LGR4: variants seen among roughly 807,000 people sequenced by gnomAD.
The protein encoded by LGR4 is leucine rich repeat containing G protein-coupled receptor 4.
LGR4 carries 44 observed loss-of-function variants against 84.8 expected under a neutral mutation model. The observed-to-expected ratio is 0.52, with a 90% confidence interval of 0.41 to 0.67. The LOEUF is 0.67. Ranked by LOEUF, LGR4 falls within the 30% of genes least tolerant of loss-of-function variation. LGR4 has a pLI of 0.00. For missense variants in LGR4, 1,032 were observed against 1,131.4 expected, an observed-to-expected ratio of 0.91 and a Z score of 1.26; for synonymous variants, 429 against 434.3, an observed-to-expected ratio of 0.99 and a Z score of 0.15.
chr11:27,469,974 A>C (rs1290660521), intron 1 of LGR4, among the ~76,000 whole-genome samples: 1 of 152,190 alleles, frequency 6.6e-6, no homozygotes, highest in Non-Finnish European at 1.5e-5. Context: ...GTAAAATGCA[A>C]ATATGCTGTC....
chr11:27,428,712 A>C (rs1864066611), intron 1 of LGR4, among the ~76,000 whole-genome samples: 1 of 151,882 alleles, frequency 6.6e-6, no homozygotes. Context: ...TACTGATTAG[A>C]GGTTGGAAAA....
Position 27,467,480 on chromosome 11 carries a change from T to C in LGR4, c.185+4638A>G, listed in dbSNP as rs564462313. On this transcript the variant is annotated intron_variant, in intron 1 of 17. Coordinates refer to ENST00000379214, the MANE Select transcript of LGR4 (RefSeq NM_018490.5). ...CCACTCGGGAGGCTGAGACAGAGAA[T>C]TGCTTGAACCTGGGAGGTGGAGGTT... Among the ~76,000 whole-genome samples the C allele has an allele frequency of 7.3e-5, 11 of 151,704 alleles. No homozygotes were observed. The East Asian group carries it at 2.2e-3, about 30-fold the overall frequency.
chr11:27,376,808 C>A (rs1341755333), intron 12 of LGR4, among the ~76,000 whole-genome samples: 1 of 152,200 alleles, frequency 6.6e-6, no homozygotes, highest in Non-Finnish European at 1.5e-5. Context: ...CCCTTCCCAT[C>A]TCCCAACCAG....
chr11:27,454,821 TATCTC>T (rs886542396), intron 1 of LGR4, among the ~76,000 whole-genome samples: 1 of 151,386 alleles, frequency 6.6e-6, no homozygotes, highest in Non-Finnish European at 1.5e-5. Flanking sequence ...CTCCACAAAT[TATCTC>T]CTACAATTTC....
At chr11:27,414,742 G>A (rs1372663931) in intron 1 of LGR4, among the ~76,000 whole-genome samples, 1 of 148,374 alleles carries the variant, frequency 6.7e-6, no homozygotes, top group Non-Finnish European at 1.5e-5. Flanking sequence ...CTGGAGAAAT[G>A]GCACCAAAAC....
chr11:27,457,028 T>TA (rs1864586843), intron 1 of LGR4, among the ~76,000 whole-genome samples: 1 of 152,110 alleles, frequency 6.6e-6, no homozygotes, highest in Non-Finnish European at 1.5e-5. Flanking sequence ...AATTGTCAAA[T>TA]ATCTAAGCAA....
intron 9 of LGR4, 117 bp downstream of exon 9, chr11:27,380,523 C>G: frequency 1.2e-6 from 1 of 818,456 alleles, no homozygotes. Context: ...TAAATTCTGC[C>G]CAAGGGAGAA....
In LGR4 at chr11:27,378,741, G is replaced by A. The variant is rs774771898; in HGVS notation, c.999C>T (p.Ser333=). Residue 333 remains serine, a synonymous_variant, in exon 11 of 18, where the codon AGC becomes AGT. Coordinates refer to ENST00000379214, the MANE Select transcript of LGR4 (RefSeq NM_018490.5). ...GTTCTTGACACAAATTATTAGGTAT[G>A]CTGCTTATCTTTGTACCTGTCAAAG... ...SLTLTGTKIS[S]IPNNLCQEQK... 2 of 1,612,042 alleles carry A rather than the reference G, an allele frequency of 1.2e-6. No homozygotes were observed. The highest frequency in any genetic ancestry group is 1.7e-6 in the Non-Finnish European group (2 of 1,178,778).
chr11:27,419,685 A>C (rs1863890015), intron 1 of LGR4, among the ~76,000 whole-genome samples: 1 of 150,000 alleles, frequency 6.7e-6, no homozygotes, highest in Non-Finnish European at 1.5e-5. Context: ...CAAACTGGAA[A>C]CAACCTAAAT....
chr11:27,429,496 G>C (rs1235298924), intron 1 of LGR4, among the ~76,000 whole-genome samples: 1 of 151,346 alleles, frequency 6.6e-6, no homozygotes, highest in Non-Finnish European at 1.5e-5. Flanking sequence ...AAAAAAAAAG[G>C]GAATAGAAAC....
intron 1 of LGR4, among the ~76,000 whole-genome samples, chr11:27,418,228 T>C (rs1009961436): frequency 6.6e-6 from 1 of 152,234 alleles, no homozygotes; most frequent in Non-Finnish European, 1.5e-5. Context: ...TAAATTTAAC[T>C]GTTTTCAAAT....
chr11:27,455,382 TAAA>T (rs973751450), intron 1 of LGR4, among the ~76,000 whole-genome samples: 6 of 151,542 alleles, frequency 4.0e-5, no homozygotes, highest in Admixed American at 2.6e-4. Flanking sequence ...AGGAAAAGTC[TAAA>T]AAAAAACAAC....
chr11:27,376,423 C>A, intron 12 of LGR4, 53 bp from the exon 13 acceptor site: 3 of 925,776 alleles, frequency 3.2e-6, no homozygotes, highest in Non-Finnish European at 5.0e-6. Flanking sequence ...AAGAAGAGAA[C>A]AGGAGGAGGA....
In LGR4 at chr11:27,443,516, G is replaced by A. The variant is rs1459286607; in HGVS notation, c.185+28602C>T. Among the ~76,000 whole-genome samples the A allele has an allele frequency of 2.6e-5, 4 of 152,146 alleles. No individual in the cohort carries two copies. The South Asian group carries it at 6.2e-4, about 24-fold the overall frequency. On this transcript the variant is annotated intron_variant, in intron 1 of 17. Coordinates refer to ENST00000379214, the MANE Select transcript of LGR4 (RefSeq NM_018490.5). ...GGGGATTTTACTAAAATGAAAATGG[G>A]GAAAGGCTGAAGCAGCTTACAAATG...
In LGR4 at chr11:27,368,221, A is replaced by G. The variant is rs1862805523; in HGVS notation, c.2502T>C (p.Gly834=). Residue 834 remains glycine, a synonymous_variant, in exon 18 of 18, where the codon GGT becomes GGC. Transcript: ENST00000379214. ...AGTAGAAATCCTGTTCCAGACAACC[A>G]CCTTGGCTACTGATGGAAACTGAAA... The part of the protein sequence containing the change: ...GSVSVSISSQ[G]GCLEQDFYYD... The G allele has an allele frequency of 6.2e-7, 1 of 1,614,096 alleles. No individual in the cohort carries two copies. Among genetic ancestry groups the G allele is most frequent in the Non-Finnish European group, 8.5e-7 (1 of 1,180,040 alleles).
intron 1 of LGR4, among the ~76,000 whole-genome samples, chr11:27,427,452 C>A (rs564485796): frequency 2.8e-4 from 42 of 152,256 alleles, no homozygotes; most frequent in African/African-American, 9.1e-4. Flanking sequence ...TATGGGGCAG[C>A]ACATTGGCAG....
intron 1 of LGR4, among the ~76,000 whole-genome samples, chr11:27,431,835 A>G (rs1864122466): frequency 6.6e-6 from 1 of 152,232 alleles, no homozygotes; most frequent in Non-Finnish European, 1.5e-5. Context: ...TCCAAGTTCT[A>G]CCATGTATTA....
intron 2 of LGR4, among the ~76,000 whole-genome samples, chr11:27,392,777 G>A (rs375954363): frequency 6.0e-4 from 92 of 152,214 alleles, no homozygotes; most frequent in African/African-American, 2.0e-3. Flanking sequence ...GGTCAAGCAA[G>A]CCAAAACACA....
intron 5 of LGR4, among the ~76,000 whole-genome samples, 194 bp downstream of exon 5, chr11:27,385,059 T>G (rs909542901): frequency 6.6e-6 from 1 of 152,184 alleles, no homozygotes; most frequent in Non-Finnish European, 1.5e-5. Context: ...CTTAGGGAGA[T>G]TCAACAATTA....
Sources: allele counts gnomAD v4.1 joint callset (sites outside exome capture counted in the v4.1 genomes callset), GRCh38; gene constraint gnomAD v4.1.1; transcripts MANE v1.5; gene names NCBI Gene and HGNC (gene_info 2026-07-23, HGNC 2026-07-21).